Variants in NPHP4 observed in about 807,000 individuals in gnomAD.
The protein encoded by NPHP4 is nephrocystin 4, also known as nephrocystin-4.
Under a neutral mutation model 155.8 loss-of-function variants are expected in NPHP4, and 151 were observed. The observed-to-expected ratio is 0.97, with a 90% confidence interval of 0.85 to 1.11. The LOEUF is 1.11. Ranked by LOEUF, NPHP4 falls within the 50% of genes least tolerant of loss-of-function variation. NPHP4 has a pLI of 0.00. For synonymous variants in NPHP4, 845 were observed against 816.8 expected, an observed-to-expected ratio of 1.03 and a Z score of -0.59; for missense variants, 1,956 against 1,925.7, an observed-to-expected ratio of 1.02 and a Z score of -0.29.
intron 9 of NPHP4, 84 bp from the exon 10 acceptor site, chr1:5,933,413 A>G: frequency 8.8e-7 from 1 of 1,134,984 alleles, no homozygotes; most frequent in South Asian, 1.3e-5. Flanking sequence ...TTTCATGTGT[A>G]AAATTCAACG....
intron 16 of NPHP4, among the ~76,000 whole-genome samples, chr1:5,893,346 T>C (rs1239470359): frequency 1.3e-5 from 2 of 152,128 alleles, no homozygotes; most frequent in Non-Finnish European, 2.9e-5. Flanking sequence ...ATTTATTGGA[T>C]ACAAAGCAAA....
intron 12 of NPHP4, among the ~76,000 whole-genome samples, chr1:5,908,879 A>C (rs1645040547): frequency 6.6e-6 from 1 of 152,200 alleles, no homozygotes; most frequent in Admixed American, 6.5e-5. Context: ...TGCCACCATG[A>C]GATGCAGCTG....
intron 6 of NPHP4, among the ~76,000 whole-genome samples, chr1:5,959,934 G>A (rs2102107850): frequency 6.6e-6 from 1 of 152,150 alleles, no homozygotes; most frequent in Non-Finnish European, 1.5e-5. Flanking sequence ...ATATCAACCA[G>A]GCGGCAACTC....
chr1:5,884,182 G>A (rs1557647479), intron 18 of NPHP4, among the ~76,000 whole-genome samples: 1 of 152,138 alleles, frequency 6.6e-6, no homozygotes, highest in Non-Finnish European at 1.5e-5. Flanking sequence ...GCACCAACAC[G>A]TTTGCTGCAG....
At chr1:5,950,360 A>G (rs929319298) in intron 7 of NPHP4, among the ~76,000 whole-genome samples, 1 of 152,120 alleles carries the variant, frequency 6.6e-6, no homozygotes, top group Non-Finnish European at 1.5e-5. Context: ...CAAAGGGAGG[A>G]GGGCAGGCAC....
At chr1:5,907,537 T>A (rs1032799957) in intron 12 of NPHP4, among the ~76,000 whole-genome samples, 1 of 152,244 alleles carries the variant, frequency 6.6e-6, no homozygotes, top group African/African-American at 2.4e-5. Context: ...GGCCTCTGCC[T>A]CTCTGTCCCT....
chr1:5,966,661 C>T (rs1180901682), intron 5 of NPHP4, among the ~76,000 whole-genome samples: 1 of 152,166 alleles, frequency 6.6e-6, no homozygotes, highest in African/African-American at 2.4e-5. Flanking sequence ...GATCCACCTC[C>T]GGCCACTCTT....
chr1:5,962,719 C>T (rs984077794), intron 5 of NPHP4, among the ~76,000 whole-genome samples: 3 of 152,106 alleles, frequency 2.0e-5, no homozygotes, highest in African/African-American at 4.8e-5. Context: ...CGAGGGGGAA[C>T]GTGAGGAGGA....
At chr1:5,968,895 G>T (rs567464169) in intron 4 of NPHP4, among the ~76,000 whole-genome samples, 192 bp downstream of exon 4, 6 of 152,008 alleles carry the variant, frequency 3.9e-5, no homozygotes, top group South Asian at 2.1e-4. Flanking sequence ...TCAGCTGGGC[G>T]TGGCACCTGT....
At chr1:5,919,478 T>C (rs1645630221) in intron 11 of NPHP4, among the ~76,000 whole-genome samples, 1 of 152,180 alleles carries the variant, frequency 6.6e-6, no homozygotes, top group Non-Finnish European at 1.5e-5. Context: ...TGTCTGTTTT[T>C]AAAGCTCCAC....
At chr1:5,908,652 C>T (rs1441261444) in intron 12 of NPHP4, among the ~76,000 whole-genome samples, 1 of 152,184 alleles carries the variant, frequency 6.6e-6, no homozygotes, top group African/African-American at 2.4e-5. Flanking sequence ...TCCAGCGCCA[C>T]GGGGATCTGT....
At chr1:5,907,335 G>A (rs1038531106) in intron 12 of NPHP4, 113 bp from the exon 13 acceptor site, 13 of 595,748 alleles carry the variant, frequency 2.2e-5, no homozygotes, top group East Asian at 6.5e-5. Context: ...ATCCAGCCAC[G>A]GAAGGGAGTG....
chr1:5,965,310 G>A (rs1264810689), intron 5 of NPHP4, among the ~76,000 whole-genome samples: 1 of 152,094 alleles, frequency 6.6e-6, no homozygotes, highest in African/African-American at 2.4e-5. Context: ...CCCACTGCAA[G>A]GATGAGTGAA....
At position 5,948,093 on chromosome 1, in the gene NPHP4, T is replaced by C. The variant is rs920368945; in HGVS notation, c.969A>G (p.Lys323=). Residue 323 remains lysine (K), a synonymous_variant, in exon 8 of 30, where the codon AAA becomes AAG. Transcript: ENST00000378156. ...ALTRSASFSR[K]VVSSSKTSSG... ...ACCTGGTCTTGGAAGAGGAGACCAC[T>C]TTCCTGCTGAAGCTAGCTGAGCGCG... is the stretch of plus-strand genomic sequence containing the variant. 12 of 1,613,776 alleles carry C rather than the reference T, an allele frequency of 7.4e-6. No homozygotes were observed. Among genetic ancestry groups the C allele is most frequent in the Non-Finnish European group, 9.3e-6 (11 of 1,179,862 alleles).
Position 5,948,130 on chromosome 1 carries a change from T to A in NPHP4, c.932A>T (p.Asp311Val). ...GCTAGCTGAGCGCGTCAAGGCCACA[T>A]CCATCTCAGGCACCAGTACAACGAC... ...PQVVVLVPEM[D>V]VALTRSASFS... The change falls in exon 8 of 30, where the codon GAT (aspartate) becomes GTT (valine). Residue 311 changes from aspartate to valine, a missense_variant. Physicochemically the swap from Asp to Val is radical, Grantham distance 152. Coordinates refer to ENST00000378156, the MANE Select transcript of NPHP4 (RefSeq NM_015102.5). 1 of 1,613,732 alleles carries A rather than the reference T, an allele frequency of 6.2e-7. No individual in the cohort carries two copies. Among genetic ancestry groups the A allele is most frequent in the Non-Finnish European group, 8.5e-7 (1 of 1,179,854 alleles).
chr1:5,972,303 C>T (rs535927211), intron 3 of NPHP4, among the ~76,000 whole-genome samples: 60 of 152,338 alleles, frequency 3.9e-4, no homozygotes, highest in African/African-American at 1.3e-3. Flanking sequence ...ACTCACACTG[C>T]GGGTTCGGAG....
chr1:5,968,800 G>T (rs1295707295), intron 4 of NPHP4, among the ~76,000 whole-genome samples: 1 of 152,060 alleles, frequency 6.6e-6, no homozygotes, highest in African/African-American at 2.4e-5. Context: ...GCCAGACATG[G>T]TAGCAGGTGC....
rs1374711343 is a variant in NPHP4 at position 5,891,007 on chromosome 1, C to T, written c.2165G>A (p.Arg722Lys). 6.4e-7 allele frequency: 1 copy of T among 1,561,230 alleles called. No homozygotes were observed. Among genetic ancestry groups the T allele is most frequent in the Non-Finnish European group, 8.8e-7 (1 of 1,141,748 alleles). Residue 722 changes from arginine (R) to lysine (K), a missense_variant, in exon 17 of 30, where the codon AGG (arginine) becomes AAG (lysine). Transcript: ENST00000378156. ...FDAGSPGFQL[R>K]YMVGPGFLKP... ...CAGGAACCCAGGGCCCACCATGTACCTCAGCTGGAAGCCAGGAGACCCTGT... is the reference window on the plus strand; with the variant it reads ...CAGGAACCCAGGGCCCACCATGTACTTCAGCTGGAAGCCAGGAGACCCTGT...
In NPHP4 at chr1:5,887,395, C is replaced by A. The variant is rs560224468; in HGVS notation, c.2376G>T (p.Glu792Asp). 1 of 1,613,570 alleles carries A rather than the reference C, an allele frequency of 6.2e-7. No individual in the cohort carries two copies. The highest frequency in any genetic ancestry group is 2.2e-5 in the East Asian group (1 of 44,874). The change falls in exon 18 of 30, where the codon GAG becomes GAT. Residue 792 changes from glutamate to aspartate, a missense_variant. By Grantham distance (45) the Glu-to-Asp change is conservative. Coordinates refer to ENST00000378156, the MANE Select transcript of NPHP4 (RefSeq NM_015102.5). Reference protein sequence around the residue: ...HELEVVATEYEQDNMVVSGDM... With the variant: ...HELEVVATEYDQDNMVVSGDM... ...CTCCACTCACCACCATGTTGTCCTG[C>A]TCGTATTCAGTTGCCACGACCTCAA...
Sources: gnomAD v4.1 joint callset for allele counts (sites outside exome capture counted in the v4.1 genomes callset) on GRCh38, gnomAD v4.1.1 for gene constraint, MANE v1.5 for transcripts, NCBI Gene and HGNC (gene_info 2026-07-23, HGNC 2026-07-21) for gene names.